Variants in SMARCA2 observed in about 807,000 individuals in gnomAD.
SMARCA2 encodes SWI/SNF-related matrix-associated actin-dependent regulator of chromatin subfamily A member 2.
Under a neutral mutation model 199.8 loss-of-function variants are expected in SMARCA2, and 61 were observed. The ratio of observed to expected loss-of-function variants is 0.31; its 90% CI spans 0.25 to 0.38. SMARCA2 has a LOEUF of 0.38. Among genes scored for constraint, SMARCA2 ranks in the 10% least tolerant of loss-of-function variants. The pLI, the probability that SMARCA2 is intolerant of heterozygous loss-of-function variation, is 1.00. For synonymous variants in SMARCA2, 935 were observed against 732.0 expected, an observed-to-expected ratio of 1.28 and a Z score of -4.48; for missense variants, 1,344 against 2,012.2, an observed-to-expected ratio of 0.67 and a Z score of 6.35.
At chr9:2,071,373 C>T (rs941750840) in intron 10 of SMARCA2, among the ~76,000 whole-genome samples, 2 of 152,144 alleles carry the variant, frequency 1.3e-5, no homozygotes, top group Non-Finnish European at 2.9e-5. Context: ...TGAGAAACTC[C>T]GTGGGCTGTT....
Position 2,039,520 on chromosome 9 carries a change from C to T in SMARCA2, c.410C>T (p.Pro137Leu). ...GGAGCCCCAGAGCACGTCTCCAGCC[C>T]TATGTCTGGAGGAGGCCCAACTCCA... ...PLGAPEHVSSPMSGGGPTPPQ... is the reference protein window; with the variant it reads ...PLGAPEHVSSLMSGGGPTPPQ... Residue 137 changes from proline (P) to leucine (L), a missense_variant, in exon 4 of 34, where the codon CCT becomes CTT. Physicochemically the swap from Pro to Leu is moderately conservative, Grantham distance 98. Transcript: ENST00000349721. The surrounding 1 kb of genome is among the most constrained non-coding windows in gnomAD (Gnocchi z 4.8). 6.2e-7 allele frequency: 1 copy of T among 1,613,854 alleles called. No individual in the cohort carries two copies. The highest frequency in any genetic ancestry group is 8.5e-7 in the Non-Finnish European group (1 of 1,179,778).
chr9:2,019,566 C>G (rs1302154925), intron 1 of SMARCA2, among the ~76,000 whole-genome samples: 1 of 150,260 alleles, frequency 6.7e-6, no homozygotes. Context: ...TTAAAGTATT[C>G]CTGACATGGT....
intron 9 of SMARCA2, among the ~76,000 whole-genome samples, chr9:2,068,194 G>A (rs1175578313): frequency 1.3e-5 from 2 of 152,178 alleles, no homozygotes; most frequent in African/African-American, 2.4e-5. Context: ...TTGAATTCAA[G>A]GGTTCTGTTA....
At chr9:2,090,686 C>A (rs938858789) in intron 19 of SMARCA2, among the ~76,000 whole-genome samples, 2 of 152,132 alleles carry the variant, frequency 1.3e-5, no homozygotes. Flanking sequence ...ATGGGAGTTC[C>A]ATTTTCCTAT....
Position 2,077,741 on chromosome 9 carries a change from G to T in SMARCA2, c.2149G>T (p.Ala717Ser). 1 of 1,613,618 alleles carries T rather than the reference G, an allele frequency of 6.2e-7. No homozygotes were observed. The highest frequency in any genetic ancestry group is 1.1e-5 in the South Asian group (1 of 90,958). ...AISERVEKQS[A>S]LLINGTLKHY... is the part of the protein sequence containing the mutation. ...CTCGGAGAGGGTGGAGAAACAGTCT[G>T]CCCTCCTAATTAATGGGACCCTAAA... is the stretch of plus-strand genomic sequence containing the variant. Residue 717 changes from alanine to serine, a missense_variant, in exon 14 of 34, where the codon GCC (alanine) becomes TCC (serine). Around this residue, in one of 18 missense-constraint regions of SMARCA2, gnomAD observed 106 missense variants for 179.7 expected, o/e 0.59. Transcript: ENST00000349721.
At chr9:2,111,783 C>G (rs1823017124) in intron 24 of SMARCA2, among the ~76,000 whole-genome samples, 1 of 152,138 alleles carries the variant, frequency 6.6e-6, no homozygotes, top group South Asian at 2.1e-4. Context: ...GAGCTAGGTG[C>G]TTCCTTTGAG....
intron 5 of SMARCA2, among the ~76,000 whole-genome samples, chr9:2,050,289 T>C (rs1820058415): frequency 1.3e-5 from 2 of 152,306 alleles, no homozygotes; most frequent in South Asian, 4.1e-4. Flanking sequence ...ATTACTTCCA[T>C]AGTAAGTGTC....
intron 32 of SMARCA2, 38 bp downstream of exon 32, chr9:2,186,266 C>T: frequency 1.3e-6 from 2 of 1,588,594 alleles, no homozygotes; most frequent in Non-Finnish European, 1.7e-6. Flanking sequence ...ATCTTTGCCC[C>T]TCCTCACCTG....
intron 3 of SMARCA2, among the ~76,000 whole-genome samples, chr9:2,037,523 G>C (rs1441548443): frequency 6.6e-6 from 1 of 152,176 alleles, no homozygotes; most frequent in Non-Finnish European, 1.5e-5. Context: ...CTCTCCAAAT[G>C]ACAATTGGAG....
chr9:2,153,505 C>A (rs917334860), intron 27 of SMARCA2, among the ~76,000 whole-genome samples: 2 of 152,114 alleles, frequency 1.3e-5, no homozygotes, highest in African/African-American at 4.8e-5. Flanking sequence ...CACTGCACTC[C>A]AGCCTGGGTA....
intron 2 of SMARCA2, among the ~76,000 whole-genome samples, chr9:2,031,755 C>T (rs548468396): frequency 5.3e-5 from 8 of 152,310 alleles, no homozygotes; most frequent in Non-Finnish European, 8.8e-5. Context: ...TAGTTCCCTG[C>T]GTGAGGACAC....
chr9:2,066,407 T>C lies in SMARCA2; in HGVS notation c.1693-4011T>C, dbSNP rs1373662916. On this transcript the variant is annotated intron_variant, in intron 9 of 33. Transcript: ENST00000349721. Reference sequence around the variant, plus strand: ...GTTGTTGATTACTTTTTATACCTTCTGCAAGGAAGATGGGTAGCCATGCAC... The same window carrying C: ...GTTGTTGATTACTTTTTATACCTTCCGCAAGGAAGATGGGTAGCCATGCAC... Among the ~76,000 whole-genome samples, 6 of 152,354 alleles carry C rather than the reference T, an allele frequency of 3.9e-5. No individual in the cohort carries two copies. The East Asian group carries it at 1.2e-3, about 29-fold the overall frequency.
At chr9:2,071,518 T>C (rs1044069901) in intron 10 of SMARCA2, among the ~76,000 whole-genome samples, 1 of 152,242 alleles carries the variant, frequency 6.6e-6, no homozygotes, top group African/African-American at 2.4e-5. Flanking sequence ...GTTAGCGTAA[T>C]AGTGTTCTTA....
intron 27 of SMARCA2, among the ~76,000 whole-genome samples, chr9:2,153,367 T>A (rs1296055974): frequency 6.6e-6 from 1 of 152,070 alleles, no homozygotes; most frequent in African/African-American, 2.4e-5. Flanking sequence ...CCTGACCCTG[T>A]GTCTACAAAA....
chr9:2,142,387 G>T (rs1449222321), intron 27 of SMARCA2, among the ~76,000 whole-genome samples: 1 of 152,148 alleles, frequency 6.6e-6, no homozygotes, highest in Non-Finnish European at 1.5e-5. Context: ...CCTTTTAAAG[G>T]TTAAAGCAGA....
At chr9:2,148,484 T>A (rs538430594) in intron 27 of SMARCA2, among the ~76,000 whole-genome samples, 35 of 151,358 alleles carry the variant, frequency 2.3e-4, no homozygotes, top group African/African-American at 7.5e-4. Flanking sequence ...TTTTCTTTTT[T>A]TTATTATTAT....
chr9:2,171,513 C>G (rs921969084), intron 29 of SMARCA2, among the ~76,000 whole-genome samples: 4 of 152,156 alleles, frequency 2.6e-5, no homozygotes, highest in Non-Finnish European at 4.4e-5. Context: ...GCAAGATTGT[C>G]AATTTTTGAT....
chr9:2,144,524 A>G (rs1824625556), intron 27 of SMARCA2, among the ~76,000 whole-genome samples: 1 of 152,160 alleles, frequency 6.6e-6, no homozygotes, highest in Non-Finnish European at 1.5e-5. Context: ...GGCAAGTAGG[A>G]TCCCCATGGC....
chr9:2,023,040 T>A (rs1269325721), intron 1 of SMARCA2, among the ~76,000 whole-genome samples: 1 of 152,198 alleles, frequency 6.6e-6, no homozygotes, highest in Non-Finnish European at 1.5e-5. Flanking sequence ...TTTAAAACAA[T>A]TTTTCCTTTG....
Sources: gnomAD v4.1 joint callset for allele counts (sites outside exome capture counted in the v4.1 genomes callset) on GRCh38, gnomAD v4.1.1 for gene constraint, gnomAD v4.1.1 regional missense constraint, Gnocchi (gnomAD v3.1) non-coding constraint, MANE v1.5 for transcripts, NCBI Gene and HGNC (gene_info 2026-07-23, HGNC 2026-07-21) for gene names.